Variants in EPC1 observed in about 807,000 individuals in gnomAD.
The protein encoded by EPC1 is enhancer of polycomb 1, also known as enhancer of polycomb homolog 1.
A neutral mutation model predicts 98.4 loss-of-function variants in EPC1; 12 were observed. That is an observed-to-expected ratio of 0.12 (90% CI 0.08 to 0.20). The LOEUF is 0.20. EPC1 is among the 10% of genes least tolerant of loss of function. The pLI, the probability that EPC1 is intolerant of heterozygous loss-of-function variation, is 1.00. For missense variants in EPC1, 729 were observed against 990.5 expected, an observed-to-expected ratio of 0.74 and a Z score of 3.54; for synonymous variants, 357 against 363.9, an observed-to-expected ratio of 0.98 and a Z score of 0.21.
chr10:32,306,355 A>T (rs1835876104), intron 1 of EPC1, among the ~76,000 whole-genome samples: 1 of 152,232 alleles, frequency 6.6e-6, no homozygotes, highest in Admixed American at 6.5e-5. Context: ...AAGGTATTTG[A>T]ATACAAATCA....
chr10:32,355,047 CA>C (rs1423394587), intron 1 of EPC1, among the ~76,000 whole-genome samples: 1 of 152,156 alleles, frequency 6.6e-6, no homozygotes, highest in Non-Finnish European at 1.5e-5. Flanking sequence ...AGAAAGTGCA[CA>C]ATAAATGTAA....
chr10:32,333,986 T>C (rs150035680), intron 1 of EPC1, among the ~76,000 whole-genome samples: 1 of 152,268 alleles, frequency 6.6e-6, no homozygotes, highest in East Asian at 1.9e-4. Flanking sequence ...CAAATTGTGG[T>C]AGAAAGCAAG....
intron 2 of EPC1, among the ~76,000 whole-genome samples, chr10:32,302,544 G>T (rs1835620750): frequency 6.6e-6 from 1 of 151,754 alleles, no homozygotes. Flanking sequence ...CAGCTACTCG[G>T]GAGGCTGAAG....
intron 1 of EPC1, among the ~76,000 whole-genome samples, chr10:32,359,813 G>T (rs564005501): frequency 2.6e-5 from 4 of 152,294 alleles, no homozygotes; most frequent in African/African-American, 9.6e-5. Context: ...TTATTTAAAA[G>T]AGGACATTCA....
Position 32,284,866 on chromosome 10 carries a change from A to G in EPC1, c.1576T>C (p.Trp526Arg), listed in dbSNP as rs1307468005. The G allele has an allele frequency of 1.2e-6, 2 of 1,614,210 alleles. No homozygotes were observed. Among genetic ancestry groups the G allele is most frequent in the South Asian group, 2.2e-5 (2 of 91,090 alleles). Residue 526 changes from tryptophan (W) to arginine (R), a missense_variant, in exon 10 of 14, where the codon TGG becomes CGG. Transcript: ENST00000319778. ...GGTGTCCGAGGCCTAAAATGCCGCC[A>G]TCTACATGATTTGATATTGACTAGT... ...QILVNIKSCR[W>R]RHFRPRTPSL... is the part of the protein sequence containing the mutation.
intron 1 of EPC1, among the ~76,000 whole-genome samples, chr10:32,325,158 A>G (rs1374783693): frequency 2.0e-5 from 3 of 152,212 alleles, no homozygotes; most frequent in African/African-American, 7.2e-5. Context: ...GCACTATACT[A>G]TATTGAGTAT....
intron 2 of EPC1, among the ~76,000 whole-genome samples, chr10:32,297,282 C>CTTTTT (rs555311885): frequency 7.4e-6 from 1 of 135,348 alleles, no homozygotes; most frequent in Non-Finnish European, 1.6e-5. Flanking sequence ...GTTAATAATT[C>CTTTTT]TTTTTTTTTT....
intron 5 of EPC1, 98 bp downstream of exon 5, chr10:32,292,398 T>C: frequency 1.2e-6 from 1 of 863,784 alleles, no homozygotes; most frequent in African/African-American, 1.8e-5. Flanking sequence ...AAAAAAGATA[T>C]TTCTGTAATT....
chr10:32,288,786 A>G (rs892978292), intron 6 of EPC1, among the ~76,000 whole-genome samples: 2 of 152,050 alleles, frequency 1.3e-5, no homozygotes, highest in African/African-American at 4.8e-5. Flanking sequence ...GGGGGACCAC[A>G]TTAAAATAGT....
intron 10 of EPC1, 123 bp from the exon 11 acceptor site, chr10:32,273,404 A>T: frequency 8.0e-7 from 1 of 1,249,638 alleles, no homozygotes; most frequent in Non-Finnish European, 1.1e-6. Context: ...AAGGATCATG[A>T]TCCTGCTAAA....
intron 1 of EPC1, among the ~76,000 whole-genome samples, chr10:32,373,913 T>C (rs1839817733): frequency 6.6e-6 from 1 of 152,238 alleles, no homozygotes; most frequent in Non-Finnish European, 1.5e-5. Context: ...TCAGTAGGGT[T>C]CTATGTTAGT....
At position 32,291,287 on chromosome 10, in the gene EPC1, G is replaced by A; in HGVS notation, c.851C>T (p.Ser284Phe). The A allele has an allele frequency of 6.2e-7, 1 of 1,613,782 alleles. No individual in the cohort carries two copies. ...TGGCTGTCTCTGTGCCATAACCTCA[G>A]ACATGATCTCTCCATTGTAGTCGCC... ...NLGDYNGEIM[S>F]EVMAQRQPMK... Residue 284 changes from serine to phenylalanine, a missense_variant, in exon 6 of 14, where the codon TCT becomes TTT. Around this residue, in one of 6 missense-constraint regions of EPC1, gnomAD observed 390 missense variants for 438.6 expected, o/e 0.89. Coordinates refer to ENST00000319778, the MANE Select transcript of EPC1 (RefSeq NM_001272004.3).
intron 1 of EPC1, among the ~76,000 whole-genome samples, chr10:32,353,355 C>T (rs1484349727): frequency 6.6e-6 from 1 of 151,982 alleles, no homozygotes; most frequent in East Asian, 1.9e-4. Context: ...GAGATGTGGG[C>T]ATGTTTGTAT....
At position 32,347,149 on chromosome 10, in the gene EPC1, A is replaced by G; in HGVS notation, c.-234T>C. ...CATGGCCAACATGGCGGACATTAAA[A>G]CTCCACTGTGCGCTCTTCAGCCAAC... is the stretch of plus-strand genomic sequence containing the variant. On this transcript the variant is annotated 5_prime_UTR_variant, in exon 1 of 14. Coordinates refer to ENST00000319778, the MANE Select transcript of EPC1 (RefSeq NM_001272004.3). 7.1e-7 allele frequency: 1 copy of G among 1,399,128 alleles called. No individual in the cohort carries two copies. The highest frequency in any genetic ancestry group is 9.3e-7 in the Non-Finnish European group (1 of 1,080,020). 86.7% of individuals were successfully genotyped at this position (1,399,128 alleles called of 1,614,324 possible). A position where few individuals can be genotyped will look rare whatever the true frequency, so the allele number is the denominator to read the frequency against.
At chr10:32,273,844 C>T (rs1365417137) in intron 10 of EPC1, 1 of 151,690 alleles carries the variant, frequency 6.6e-6, no homozygotes, top group Non-Finnish European at 1.5e-5. Flanking sequence ...TTTTAAAGAA[C>T]TCATCCTTTA....
intron 13 of EPC1, among the ~76,000 whole-genome samples, chr10:32,270,730 C>A (rs772219101): frequency 1.5e-4 from 21 of 139,118 alleles, no homozygotes; most frequent in Non-Finnish European, 2.6e-4. Flanking sequence ...AAGGCTGAGA[C>A]AGAATCACTT....
intron 1 of EPC1, among the ~76,000 whole-genome samples, chr10:32,356,935 C>T (rs1839297408): frequency 6.6e-6 from 1 of 152,056 alleles, no homozygotes; most frequent in Non-Finnish European, 1.5e-5. Context: ...GAGCTGAGAT[C>T]GCACCACTGC....
rs9971330 is a variant in EPC1 at position 32,326,456 on chromosome 10, A to C, written c.153+20307T>G. On this transcript the variant is annotated intron_variant, in intron 1 of 13. Coordinates refer to ENST00000319778, the MANE Select transcript of EPC1 (RefSeq NM_001272004.3). ...CAGGACAATGATCCAAAATGTGACA[A>C]GAATAAGAAAAAAAACTTTGCGTAT... Among the ~76,000 whole-genome samples, 627 of 152,292 alleles carry C rather than the reference A, an allele frequency of 4.1e-3. 2 individuals are homozygous for C. The highest frequency in any genetic ancestry group is 0.014 in the African/African-American group (584 of 41,544).
At chr10:32,363,672 G>GA (rs9299686) in intron 1 of EPC1, among the ~76,000 whole-genome samples, 19 of 151,974 alleles carry the variant, frequency 1.3e-4, no homozygotes, top group Non-Finnish European at 2.2e-4. Flanking sequence ...GCACACACAT[G>GA]TATATATACG....
Sources: gnomAD v4.1 joint callset for allele counts (sites outside exome capture counted in the v4.1 genomes callset) on GRCh38, gnomAD v4.1.1 for gene constraint, gnomAD v4.1.1 regional missense constraint, MANE v1.5 for transcripts, NCBI Gene and HGNC (gene_info 2026-07-23, HGNC 2026-07-21) for gene names.